CCDC201: variants seen among roughly 807,000 people sequenced by gnomAD.
The protein encoded by CCDC201 is coiled-coil domain containing 201.
upstream of CCDC201, chr7:45,873,197 G>C (rs1786760886): frequency 6.6e-6 from 1 of 152,248 alleles, no homozygotes; most frequent in Non-Finnish European, 1.5e-5. Flanking sequence ...TCGCCCTCTA[G>C]GTCTTCCCCT....
chr7:45,881,458 CAG>C, the CCDC201 span, among the ~76,000 whole-genome samples: 1 of 152,210 alleles, frequency 6.6e-6, no homozygotes, highest in African/African-American at 2.4e-5. Context: ...TGCCTAGTAA[CAG>C]AGTGTGGGAT....
At chr7:45,866,165 C>T (rs1270595963) in exon 2 of CCDC201, 1 of 201,792 alleles carries the variant, frequency 5.0e-6, no homozygotes, top group Non-Finnish European at 1.0e-5. Context: ...GCTGCCGCTG[C>T]CGCTGCCGCT....
At chr7:45,867,143 T>C (rs950799241) in intron 1 of CCDC201, among the ~76,000 whole-genome samples, 15 of 152,358 alleles carry the variant, frequency 9.8e-5, no homozygotes, top group African/African-American at 3.6e-4. Flanking sequence ...CCATAAGGTA[T>C]GTGCCTCTGC....
the CCDC201 span, among the ~76,000 whole-genome samples, chr7:45,880,750 G>C: frequency 0.52 from 78,476 of 152,152 alleles, 20,420 homozygotes; most frequent in East Asian, 0.63. Flanking sequence ...TAATTGGCAG[G>C]CTTTGCTCCA....
rs944948613 is a variant in CCDC201 at position 45,866,231 on chromosome 7, G to T, written c.282C>A (p.Ser94=). ...CCCCAGGAGCTGAGAGATCCAAGCT[G>T]GACTCCTTGGAGGCCCAGAGAGTAG... The change falls in exon 2 of 3, where the codon TCC becomes TCA. Residue 94 remains serine, a synonymous_variant. Coordinates refer to ENST00000636578, the Ensembl canonical transcript of CCDC201. 6 of 160,458 alleles carry T rather than the reference G, an allele frequency of 3.7e-5. No homozygotes were observed. The South Asian group carries it at 5.8e-4, about 16-fold the overall frequency. 9.9% of individuals were successfully genotyped at this position (160,458 alleles called of 1,614,324 possible).
At chr7:45,878,225 C>CT in the CCDC201 span, among the ~76,000 whole-genome samples, 1 of 152,236 alleles carries the variant, frequency 6.6e-6, no homozygotes. Flanking sequence ...GTGCCTGCAG[C>CT]TTTTCCAGGT....
At chr7:45,868,662 G>A (rs1336413711) in intron 1 of CCDC201, among the ~76,000 whole-genome samples, 1 of 152,118 alleles carries the variant, frequency 6.6e-6, no homozygotes, top group African/African-American at 2.4e-5. Flanking sequence ...CATCCTAGGA[G>A]ATGAGCCCTG....
exon 3 of CCDC201, chr7:45,861,837 T>G (rs1786605552): frequency 6.6e-6 from 1 of 152,256 alleles, no homozygotes; most frequent in African/African-American, 2.4e-5. Context: ...GCTGGAAATG[T>G]GTGCATTCTT....
chr7:45,870,123 C>G (rs747872735), intron 1 of CCDC201, among the ~76,000 whole-genome samples: 2 of 152,172 alleles, frequency 1.3e-5, no homozygotes, highest in Non-Finnish European at 2.9e-5. Context: ...AGCAGTTGCT[C>G]CACATTCTTA....
exon 3 of CCDC201, chr7:45,860,574 T>G (rs1215088729): frequency 1.3e-5 from 2 of 152,230 alleles, no homozygotes; most frequent in Admixed American, 1.3e-4. Flanking sequence ...TGTTTATTAT[T>G]TTCCTCAAAG....
chr7:45,872,034 A>G (rs551220131), intron 1 of CCDC201, among the ~76,000 whole-genome samples: 8 of 152,330 alleles, frequency 5.3e-5, no homozygotes, highest in African/African-American at 1.9e-4. Context: ...GTTACTCTAT[A>G]GAAGGATATT....
At chr7:45,868,665 G>GTATTTTTCAA (rs1224631054) in intron 1 of CCDC201, among the ~76,000 whole-genome samples, 22 of 152,240 alleles carry the variant, frequency 1.4e-4, no homozygotes, top group African/African-American at 5.1e-4. Context: ...CCTAGGAGAT[G>GTATTTTTCAA]AGCCCTGTAT....
At chr7:45,882,776 G>A in the CCDC201 span, among the ~76,000 whole-genome samples, 1 of 152,198 alleles carries the variant, frequency 6.6e-6, no homozygotes, top group South Asian at 2.1e-4. Flanking sequence ...AATGCGGCAG[G>A]AGGTCTCCTG....
At chr7:45,876,275 C>G (rs1272176264), upstream of CCDC201, among the ~76,000 whole-genome samples, 1 of 152,158 alleles carries the variant, frequency 6.6e-6, no homozygotes, top group African/African-American at 2.4e-5. Context: ...ACCATGACAA[C>G]CCTCTTACCT....
At chr7:45,872,815 G>A (rs762832136) in intron 1 of CCDC201, among the ~76,000 whole-genome samples, 175 bp downstream of exon 1, 1 of 152,144 alleles carries the variant, frequency 6.6e-6, no homozygotes, top group Non-Finnish European at 1.5e-5. Context: ...CAACCCACAG[G>A]CCACCAGGAC....
chr7:45,864,425 G>A (rs1164551511), intron 2 of CCDC201, among the ~76,000 whole-genome samples: 1 of 152,326 alleles, frequency 6.6e-6, no homozygotes. Flanking sequence ...CTGGCCGCAG[G>A]TGGGAACATT....
chr7:45,868,594 A>G (rs906765359), intron 1 of CCDC201, among the ~76,000 whole-genome samples: 8 of 151,772 alleles, frequency 5.3e-5, no homozygotes, highest in African/African-American at 1.9e-4. Context: ...AGGCCTCAGG[A>G]CTCCCCTCAC....
chr7:45,872,711 C>CAGA (rs1270723258), intron 1 of CCDC201, among the ~76,000 whole-genome samples: 1 of 152,158 alleles, frequency 6.6e-6, no homozygotes, highest in Non-Finnish European at 1.5e-5. Flanking sequence ...AGGGCTCTGG[C>CAGA]AGAAGATCTC....
intron 2 of CCDC201, among the ~76,000 whole-genome samples, chr7:45,864,311 A>T (rs757557382): frequency 2.0e-5 from 3 of 152,162 alleles, no homozygotes; most frequent in African/African-American, 7.2e-5. Flanking sequence ...CATCCACAAC[A>T]TGCGTTCCAC....
Sources: allele counts gnomAD v4.1 joint callset (sites outside exome capture counted in the v4.1 genomes callset), GRCh38; gene constraint gnomAD v4.1.1; transcripts MANE v1.5; gene names NCBI Gene and HGNC (gene_info 2026-07-23, HGNC 2026-07-21).